The following ZNF324B variants were observed in gnomAD, a reference collection of about 807,000 sequenced individuals.
The protein encoded by ZNF324B is zinc finger protein 324B.
A neutral mutation model predicts 10.6 loss-of-function variants in ZNF324B; 7 were observed. The observed-to-expected ratio is 0.66, with a 90% CI of 0.38 to 1.24. The LOEUF (loss-of-function observed/expected upper bound fraction) is 1.24, where lower values mean the gene tolerates loss of function less well. Among genes scored for constraint, ZNF324B ranks in the 50% most tolerant of loss-of-function variants. The probability of loss-of-function intolerance (pLI) is 0.02; values close to 1 mark genes in which losing one functional copy is unlikely to be tolerated. For synonymous variants in ZNF324B, 316 were observed against 321.0 expected (o/e 0.98, Z 0.17); for missense variants, 640 against 764.7 (o/e 0.84, Z 1.92).
At chr19:58,449,126 G>C (rs1031526440), upstream of ZNF324B, among the ~76,000 whole-genome samples, 15 of 152,182 alleles carry the variant, frequency 9.9e-5, no homozygotes, top group Non-Finnish European at 5.9e-5. Context: ...TGGCTAAAAG[G>C]AGCCAAGGTA....
chr19:58,450,173 C>A (rs1329373009), upstream of ZNF324B, among the ~76,000 whole-genome samples: 3 of 152,142 alleles, frequency 2.0e-5, no homozygotes, highest in Non-Finnish European at 4.4e-5. Context: ...TTGCCTGCTG[C>A]CATGTAAGAC....
intron 1 of ZNF324B, 62 bp downstream of exon 1, chr19:58,451,766 C>A: frequency 2.6e-6 from 1 of 379,262 alleles, no homozygotes; most frequent in South Asian, 1.8e-5. Context: ...ATGACGTGGT[C>A]GGCCCGGGGG....
At position 58,454,139 on chromosome 19, in the gene ZNF324B, C is replaced by G. The variant is rs1375591230; in HGVS notation, c.122-89C>G. ...TTCTCCCAGTTGCACAGATTACTGT[C>G]TATTTCCATGAAGCCCTGACTCCTG... On this transcript the variant is annotated intron_variant, in intron 2 of 3. Coordinates refer to ENST00000336614, the MANE Select transcript of ZNF324B (RefSeq NM_207395.3). 4.6e-6 allele frequency: 4 copies of G among 865,394 alleles called. No individual in the cohort carries two copies. In the East Asian group the frequency reaches 7.7e-5, roughly 17 times the overall value. The allele number at this position is 865,394 out of a possible 1,614,324, so 53.6% of individuals were successfully genotyped here.
the ZNF324B span, chr19:58,443,417 AAAC>A: frequency 6.6e-6 from 1 of 152,276 alleles, no homozygotes; most frequent in Non-Finnish European, 1.5e-5. Flanking sequence ...GCTGCTGCAT[AAAC>A]AACCCCCACA....
At chr19:58,446,243 TG>T in the ZNF324B span, among the ~76,000 whole-genome samples, 1 of 152,122 alleles carries the variant, frequency 6.6e-6, no homozygotes, top group South Asian at 2.1e-4. Context: ...ATGATGGCCC[TG>T]CATGTGGAGA....
intron 3 of ZNF324B, chr19:58,454,604 G>A (rs963716927): frequency 3.6e-6 from 2 of 561,454 alleles, no homozygotes; most frequent in Non-Finnish European, 6.3e-6. Context: ...ACAACTAGCA[G>A]CCATTATTGA....
At chr19:58,447,370 G>A (rs1245872969), upstream of ZNF324B, among the ~76,000 whole-genome samples, 3 of 152,222 alleles carry the variant, frequency 2.0e-5, no homozygotes, top group Non-Finnish European at 4.4e-5. Context: ...GTGCAGGGTA[G>A]GGGTCTGAGC....
chr19:58,437,716 C>T, the ZNF324B span: 1 of 985,304 alleles, frequency 1.0e-6, no homozygotes. Context: ...TCACCATGCA[C>T]ATGGCATACC....
chr19:58,446,433 CCT>C, the ZNF324B span, among the ~76,000 whole-genome samples: 2,427 of 152,162 alleles, frequency 0.016, 52 homozygotes, highest in African/African-American at 0.055. Context: ...TAAGTCACTC[CCT>C]GTTTCCTGTT....
chr19:58,434,380 G>C, the ZNF324B span: 1 of 1,614,110 alleles, frequency 6.2e-7, no homozygotes, highest in Non-Finnish European at 8.5e-7. Context: ...GTTACTGAAG[G>C]CTTTCCCACA....
intron 2 of ZNF324B, 152 bp downstream of exon 2, chr19:58,453,974 C>A (rs1568603726): frequency 1.7e-6 from 2 of 1,198,592 alleles, no homozygotes; most frequent in Non-Finnish European, 2.3e-6. Flanking sequence ...GTTGGGTCAG[C>A]CACTCCTTGC....
the ZNF324B span, chr19:58,436,966 G>A: frequency 3.8e-6 from 6 of 1,594,392 alleles, no homozygotes; most frequent in East Asian, 1.3e-4. Context: ...CCATGATCTG[G>A]CTTTGGGATG....
At chr19:58,419,109 C>T in the ZNF324B span, 5 of 152,280 alleles carry the variant, frequency 3.3e-5, no homozygotes, top group Non-Finnish European at 7.3e-5. Context: ...CTGAGTCCTC[C>T]AGGGAAAGAC....
At chr19:58,438,768 C>T in the ZNF324B span, among the ~76,000 whole-genome samples, 163 of 148,312 alleles carry the variant, frequency 1.1e-3, no homozygotes, top group African/African-American at 3.8e-3. Flanking sequence ...CCACCACGCC[C>T]GGCAATTTTT....
At chr19:58,425,124 T>A in the ZNF324B span, among the ~76,000 whole-genome samples, 20 of 151,988 alleles carry the variant, frequency 1.3e-4, no homozygotes, top group African/African-American at 4.8e-4. Context: ...GGCGTGGCGG[T>A]GCACACCTGT....
chr19:58,427,391 T>TC, the ZNF324B span, among the ~76,000 whole-genome samples: 1 of 50,142 alleles, frequency 2.0e-5, no homozygotes, highest in African/African-American at 8.3e-5. Context: ...TCTTTCTTTC[T>TC]TTCTTTCTTT....
At chr19:58,437,720 G>A in the ZNF324B span, 5 of 985,260 alleles carry the variant, frequency 5.1e-6, no homozygotes, top group Non-Finnish European at 6.0e-6. Flanking sequence ...CATGCACATG[G>A]CATACCTGAC....
Position 58,452,020 on chromosome 19 carries a change from C to T in ZNF324B, c.-7+316C>T, listed in dbSNP as rs149816201. On this transcript the variant is annotated intron_variant, in intron 1 of 3. Transcript: ENST00000336614. Reference sequence around the variant, plus strand: ...GGGGGCGGGGGAGTCCCTGCTCACACAGACTGCGCCCCCACGGAGTGAGGC... The same window carrying T: ...GGGGGCGGGGGAGTCCCTGCTCACATAGACTGCGCCCCCACGGAGTGAGGC... The T allele has an allele frequency of 2.2e-4, 50 of 222,816 alleles. No homozygotes were observed. In the East Asian group the frequency reaches 5.6e-3, roughly 25 times the overall value. The allele number at this position is 222,816 out of a possible 1,614,324, so 13.8% of individuals were successfully genotyped here.
chr19:58,443,348 A>G, the ZNF324B span: 9 of 152,124 alleles, frequency 5.9e-5, no homozygotes, highest in African/African-American at 2.2e-4. Flanking sequence ...AAAGTTCCCC[A>G]AGTCCCCACT....
Sources: gnomAD v4.1 joint callset for allele counts (sites outside exome capture counted in the v4.1 genomes callset) on GRCh38, gnomAD v4.1.1 for gene constraint, MANE v1.5 for transcripts, NCBI Gene and HGNC (gene_info 2026-07-23, HGNC 2026-07-21) for gene names.